RALGPS2: variants seen among roughly 807,000 people sequenced by gnomAD.
RALGPS2 encodes the protein Ral GEF with PH domain and SH3 binding motif 2.
RALGPS2 carries 43 observed loss-of-function variants against 86.8 expected under a neutral mutation model. That is an observed-to-expected ratio of 0.50 (90% confidence interval 0.39 to 0.64). The LOEUF (loss-of-function observed/expected upper bound fraction) is 0.64. RALGPS2 is among the 30% of genes least tolerant of loss of function. The pLI, the probability that RALGPS2 is intolerant of heterozygous loss-of-function variation, is 0.00. For synonymous variants in RALGPS2, 243 were observed against 231.3 expected, an observed-to-expected ratio of 1.05 and a Z score of -0.46; for missense variants, 536 against 694.6, an observed-to-expected ratio of 0.77 and a Z score of 2.57.
intron 17 of RALGPS2, among the ~76,000 whole-genome samples, chr1:178,900,257 TA>T (rs1660111921): frequency 6.6e-6 from 1 of 152,004 alleles, no homozygotes; most frequent in African/African-American, 2.4e-5. Flanking sequence ...TGGAAGTCTG[TA>T]TACCTTATTT....
chr1:178,735,233 A>G (rs1466052663), intron 1 of RALGPS2, among the ~76,000 whole-genome samples: 1 of 152,116 alleles, frequency 6.6e-6, no homozygotes, highest in Non-Finnish European at 1.5e-5. Context: ...AGCAAAAGAA[A>G]CCAGACACAA....
chr1:178,891,553 T>G (rs940038141), intron 14 of RALGPS2, among the ~76,000 whole-genome samples: 1 of 152,128 alleles, frequency 6.6e-6, no homozygotes, highest in South Asian at 2.1e-4. Flanking sequence ...AACAGTGCTT[T>G]CGGGTTTTCC....
chr1:178,852,929 C>T (rs1432188258), intron 8 of RALGPS2: 2 of 1,612,244 alleles, frequency 1.2e-6, no homozygotes, highest in Non-Finnish European at 1.7e-6. Context: ...AGCCAGTATT[C>T]TCCGTCAATG....
chr1:178,881,179 T>A (rs980882848), intron 10 of RALGPS2, among the ~76,000 whole-genome samples: 1 of 152,118 alleles, frequency 6.6e-6, no homozygotes, highest in African/African-American at 2.4e-5. Context: ...ATAATAAAGA[T>A]ATGCCAAGGA....
rs1310463691 is a variant in RALGPS2, at chr1:178,853,617, A to G, written c.607+20067A>G. ...ACCTTATAATTTTCCCAATTTCTGA[A>G]GAAGTTGACAGAGCCGTCTGTTCTT... On this transcript the variant is annotated intron_variant, in intron 8 of 19. Coordinates refer to ENST00000367635, the MANE Select transcript of RALGPS2 (RefSeq NM_152663.5). 6.3e-6 allele frequency: 10 copies of G among 1,595,898 alleles called. No individual in the cohort carries two copies. Among genetic ancestry groups the G allele is most frequent in the Non-Finnish European group, 7.7e-6 (9 of 1,173,738 alleles).
chr1:178,821,183 A>T (rs367632808), intron 6 of RALGPS2, among the ~76,000 whole-genome samples: 1 of 152,180 alleles, frequency 6.6e-6, no homozygotes, highest in African/African-American at 2.4e-5. Context: ...CCCTGGAATA[A>T]TGGGAGTACT....
rs1003588064 is a variant in RALGPS2, at chr1:178,921,172, G to A, written c.*4813G>A. ...GAAAGAGTTAACTGGTCCTTGAGGA[G>A]TGTTAGCAAAATTTAAATTTTGACC... On this transcript the variant is annotated 3_prime_UTR_variant, in exon 20 of 20. Coordinates refer to ENST00000367635, the MANE Select transcript of RALGPS2 (RefSeq NM_152663.5). 7 of 152,098 alleles carry A rather than the reference G, an allele frequency of 4.6e-5. No homozygotes were observed. The highest frequency in any genetic ancestry group is 1.7e-4 in the African/African-American group (7 of 41,540). The allele number at this position is 152,098 out of a possible 1,614,324, so 9.4% of individuals were successfully genotyped here.
intron 4 of RALGPS2, among the ~76,000 whole-genome samples, chr1:178,802,593 G>A (rs992937352): frequency 3.3e-5 from 5 of 152,252 alleles, no homozygotes; most frequent in Admixed American, 1.3e-4. Flanking sequence ...GTGTTTTAAG[G>A]GAATACTCTC....
Position 178,916,651 on chromosome 1 carries a change from A to G in RALGPS2, c.*292A>G. On this transcript the variant is annotated 3_prime_UTR_variant, in exon 20 of 20. Transcript: ENST00000367635. ...AAAGGAAAACCAACATGAAACACCA[A>G]ATAGTGTGTGTGAATCTTCTGGCGG... The G allele has an allele frequency of 2.7e-6, 1 of 369,904 alleles. No individual in the cohort carries two copies. The highest frequency in any genetic ancestry group is 4.3e-5 in the East Asian group (1 of 23,518). The allele number at this position is 369,904 out of a possible 1,614,324, so 22.9% of individuals were successfully genotyped here. A position where few individuals can be genotyped will look rare whatever the true frequency, so the allele number is the denominator to read the frequency against.
intron 2 of RALGPS2, among the ~76,000 whole-genome samples, chr1:178,782,504 A>T (rs1653441459): frequency 6.6e-6 from 1 of 152,112 alleles, no homozygotes; most frequent in African/African-American, 2.4e-5. Context: ...AAAAATCCTC[A>T]ACTTGAAGCC....
chr1:178,749,318 C>T lies in RALGPS2; in HGVS notation c.-84+23899C>T, dbSNP rs1459619463. Among the ~76,000 whole-genome samples, 5 of 152,202 alleles carry T rather than the reference C, an allele frequency of 3.3e-5. No individual in the cohort carries two copies. The East Asian group carries it at 9.7e-4, about 29-fold the overall frequency. ...CCTGGCTAACATGATGAATCCTTGTCTTTACTAAAAATACAAAAATCAGCT... is the reference window on the plus strand; with the variant it reads ...CCTGGCTAACATGATGAATCCTTGTTTTTACTAAAAATACAAAAATCAGCT... On this transcript the variant is annotated intron_variant, in intron 1 of 19. Transcript: ENST00000367635.
At chr1:178,841,290 A>C (rs1006811773) in intron 8 of RALGPS2, among the ~76,000 whole-genome samples, 5 of 151,086 alleles carry the variant, frequency 3.3e-5, no homozygotes, top group Admixed American at 6.6e-5. Flanking sequence ...CACATCAAAA[A>C]GCTTATCCAC....
At chr1:178,752,942 C>T (rs1277298858) in intron 1 of RALGPS2, among the ~76,000 whole-genome samples, 1 of 152,090 alleles carries the variant, frequency 6.6e-6, no homozygotes, top group Non-Finnish European at 1.5e-5. Context: ...TTTAATAGTT[C>T]ATTAATATGG....
chr1:178,824,113 TA>T (rs1260134571), intron 7 of RALGPS2, among the ~76,000 whole-genome samples: 1 of 152,136 alleles, frequency 6.6e-6, no homozygotes, highest in African/African-American at 2.4e-5. Context: ...ATAATTTGAA[TA>T]AGGTGCAAAG....
intron 8 of RALGPS2, among the ~76,000 whole-genome samples, chr1:178,868,793 C>G (rs758346609): frequency 6.6e-6 from 1 of 151,694 alleles, no homozygotes; most frequent in Admixed American, 6.6e-5. Flanking sequence ...TTAAAGGAGG[C>G]AACTAAAAGT....
intron 16 of RALGPS2, among the ~76,000 whole-genome samples, chr1:178,895,730 A>G (rs1659912258): frequency 6.6e-6 from 1 of 151,964 alleles, no homozygotes; most frequent in Non-Finnish European, 1.5e-5. Context: ...GATAACTTCT[A>G]GGTTTGGGGA....
chr1:178,875,306 T>C (rs955900034), intron 8 of RALGPS2, among the ~76,000 whole-genome samples: 9 of 152,204 alleles, frequency 5.9e-5, no homozygotes, highest in Non-Finnish European at 1.2e-4. Context: ...ACATTAAAAA[T>C]AGAACGAAGA....
Position 178,920,029 on chromosome 1 carries a change from G to T in RALGPS2, c.*3670G>T, listed in dbSNP as rs1032042216. The T allele has an allele frequency of 6.6e-6, 1 of 151,896 alleles. No individual in the cohort carries two copies. The highest frequency in any genetic ancestry group is 1.5e-5 in the Non-Finnish European group (1 of 67,854). The allele number at this position is 151,896 out of a possible 1,614,324, so 9.4% of individuals were successfully genotyped here. A position where few individuals can be genotyped will look rare whatever the true frequency, so the allele number is the denominator to read the frequency against. ...GTATGACTTCTTTAGTGACCTTTTA[G>T]GGTTTGCTTTTATTTTCCTCTCTTT... On this transcript the variant is annotated 3_prime_UTR_variant, in exon 20 of 20. Transcript: ENST00000367635.
intron 8 of RALGPS2, chr1:178,853,555 ATTTG>A: frequency 6.9e-7 from 1 of 1,440,084 alleles, no homozygotes; most frequent in Non-Finnish European, 9.2e-7. Flanking sequence ...GCAAGAATGG[ATTTG>A]TTTTACTTCC....
Sources: allele counts gnomAD v4.1 joint callset (sites outside exome capture counted in the v4.1 genomes callset), GRCh38; gene constraint gnomAD v4.1.1; transcripts MANE v1.5; gene names NCBI Gene and HGNC (gene_info 2026-07-23, HGNC 2026-07-21).